Variants in BRINP3 observed in about 807,000 individuals in gnomAD.
BRINP3 encodes BMP/retinoic acid-inducible neural-specific protein 3.
A neutral mutation model predicts 71.0 loss-of-function variants in BRINP3; 19 were observed. That is an observed-to-expected ratio of 0.27 (90% CI 0.19 to 0.39). BRINP3 has a LOEUF of 0.39. Ranked by LOEUF, BRINP3 falls within the 10% of genes least tolerant of loss-of-function variation. BRINP3 has a pLI of 1.00. For missense variants in BRINP3, 959 were observed against 940.8 expected (o/e 1.02, Z -0.25); for synonymous variants, 380 against 337.7 (o/e 1.13, Z -1.37).
chr1:190,348,595 A>G (rs1459087190), intron 2 of BRINP3, among the ~76,000 whole-genome samples: 1 of 152,142 alleles, frequency 6.6e-6, no homozygotes, highest in African/African-American at 2.4e-5. Flanking sequence ...TCTGTTAACA[A>G]TGTCTCACTA....
At chr1:190,210,546 G>A (rs1655893642) in intron 6 of BRINP3, among the ~76,000 whole-genome samples, 1 of 152,046 alleles carries the variant, frequency 6.6e-6, no homozygotes, top group Non-Finnish European at 1.5e-5. Context: ...GCATTTGTGT[G>A]TTCCGGTATA....
In BRINP3 at chr1:190,271,249, G is replaced by GT. The variant is rs1365581951; in HGVS notation, c.428-6195dup. 7.9e-5 allele frequency among the ~76,000 whole-genome samples: 12 copies of GT among 151,722 alleles called. No homozygotes were observed. In the East Asian group the frequency reaches 2.1e-3, roughly 27 times the overall value. The stretch of plus-strand genomic sequence containing the variant: ...ATGTATAATCAGTTTTAGTTTAGAT[G>GT]TAAGTGTACCAAGTTTTACTGTCAA... On this transcript the variant is annotated intron_variant, in intron 3 of 7. Coordinates refer to ENST00000367462, the MANE Select transcript of BRINP3 (RefSeq NM_199051.3).
At chr1:190,315,357 T>C (rs1022562200) in intron 2 of BRINP3, among the ~76,000 whole-genome samples, 1 of 151,954 alleles carries the variant, frequency 6.6e-6, no homozygotes, top group Non-Finnish European at 1.5e-5. Context: ...AAATTCGACC[T>C]AGTGGAATGG....
intron 6 of BRINP3, among the ~76,000 whole-genome samples, chr1:190,170,112 C>T (rs1651885565): frequency 6.6e-6 from 1 of 152,034 alleles, no homozygotes; most frequent in African/African-American, 2.4e-5. Context: ...TTAAAGAGTG[C>T]TTTTGTTTGG....
chr1:190,266,318 A>C lies in BRINP3; in HGVS notation c.428-1263T>G, dbSNP rs139166670. On this transcript the variant is annotated intron_variant, in intron 3 of 7. Transcript: ENST00000367462. ...ATGACATAGCCCAGGTGACAATCCAATCTTAAGTAAGAGCTCTTACATGTC... is the reference window on the plus strand; with the variant it reads ...ATGACATAGCCCAGGTGACAATCCACTCTTAAGTAAGAGCTCTTACATGTC... Among the ~76,000 whole-genome samples the C allele has an allele frequency of 2.6e-3, 397 of 152,288 alleles. 3 individuals are homozygous for C. Among genetic ancestry groups the C allele is most frequent in the South Asian group, 5.0e-3 (24 of 4,826 alleles).
chr1:190,339,522 T>C (rs1667517196), intron 2 of BRINP3, among the ~76,000 whole-genome samples: 1 of 151,938 alleles, frequency 6.6e-6, no homozygotes, highest in South Asian at 2.1e-4. Context: ...ATAAATTACG[T>C]TAAACCAGTA....
At chr1:190,425,987 A>G (rs969513498) in intron 2 of BRINP3, among the ~76,000 whole-genome samples, 4 of 151,856 alleles carry the variant, frequency 2.6e-5, no homozygotes, top group African/African-American at 9.7e-5. Context: ...GCATTGGCAT[A>G]TACAATGTCA....
intron 2 of BRINP3, among the ~76,000 whole-genome samples, chr1:190,453,582 T>C (rs559031050): frequency 6.6e-6 from 1 of 152,266 alleles, no homozygotes; most frequent in East Asian, 1.9e-4. Context: ...GTGTTATGAC[T>C]GCATGGAATA....
intron 7 of BRINP3, among the ~76,000 whole-genome samples, chr1:190,140,094 A>T (rs1288137361): frequency 6.6e-6 from 1 of 152,252 alleles, no homozygotes; most frequent in Non-Finnish European, 1.5e-5. Context: ...AAACATCTAT[A>T]GCAAATAGTG....
intron 6 of BRINP3, among the ~76,000 whole-genome samples, chr1:190,218,686 G>A (rs1571394569): frequency 6.6e-6 from 1 of 151,772 alleles, no homozygotes; most frequent in Admixed American, 6.6e-5. Context: ...TATTTTTCCG[G>A]TCTAACTGAA....
intron 6 of BRINP3, among the ~76,000 whole-genome samples, chr1:190,162,195 ATT>A (rs200789147): frequency 2.8e-5 from 4 of 144,438 alleles, no homozygotes; most frequent in South Asian, 2.2e-4. Context: ...TAATAGATGC[ATT>A]TTTTTTTTTT....
Position 190,192,390 on chromosome 1 carries a change from C to T in BRINP3, c.962-31500G>A, listed in dbSNP as rs949392965. ...GAATCACTAAGGAACATTAAAAATG[C>T]TATTAGTAAAACAAGAAACATTAAA... On this transcript the variant is annotated intron_variant, in intron 6 of 7. Coordinates refer to ENST00000367462, the MANE Select transcript of BRINP3 (RefSeq NM_199051.3). 1.4e-4 allele frequency among the ~76,000 whole-genome samples: 22 copies of T among 152,084 alleles called. No individual in the cohort carries two copies. The South Asian group carries it at 4.4e-3, about 30-fold the overall frequency.
At chr1:190,210,234 T>C (rs747046426) in intron 6 of BRINP3, among the ~76,000 whole-genome samples, 30 of 152,222 alleles carry the variant, frequency 2.0e-4, no homozygotes, top group Non-Finnish European at 2.4e-4. Flanking sequence ...AGTGAAGTCA[T>C]CACATATATT....
At chr1:190,245,898 C>A (rs1419777899) in intron 4 of BRINP3, among the ~76,000 whole-genome samples, 2 of 151,816 alleles carry the variant, frequency 1.3e-5, no homozygotes, top group Non-Finnish European at 2.9e-5. Context: ...ATGATGGTTT[C>A]CAGCTTCATC....
chr1:190,098,105 C>T lies in BRINP3; in HGVS notation c.2214G>A (p.Glu738=). 6.2e-7 allele frequency: 1 copy of T among 1,614,164 alleles called. No individual in the cohort carries two copies. Among genetic ancestry groups the T allele is most frequent in the Non-Finnish European group, 8.5e-7 (1 of 1,180,030 alleles). The change falls in exon 8 of 8, where the codon GAG becomes GAA. Residue 738 remains glutamate, a synonymous_variant. Coordinates refer to ENST00000367462, the MANE Select transcript of BRINP3 (RefSeq NM_199051.3). ...GCAGAGCAGATTGGATCCTCACCAC[C>T]TCACTAGTAGACAGCTTGAGTCTAT... The part of the protein sequence containing the change: ...LRHRLKLSTS[E]VVRIQSALQA...
At chr1:190,457,068 A>T (rs1676041614) in intron 1 of BRINP3, among the ~76,000 whole-genome samples, 1 of 152,184 alleles carries the variant, frequency 6.6e-6, no homozygotes, top group Non-Finnish European at 1.5e-5. Flanking sequence ...CCAATATAGC[A>T]AATTAGGATA....
chr1:190,146,498 A>C (rs2102406405), intron 7 of BRINP3, among the ~76,000 whole-genome samples: 1 of 152,262 alleles, frequency 6.6e-6, no homozygotes, highest in Admixed American at 6.5e-5. Context: ...TAATTACTAT[A>C]TCATCATCAC....
In BRINP3 at chr1:190,303,817, C is replaced by G. The variant is rs535110861; in HGVS notation, c.237-22067G>C. 5.3e-5 allele frequency among the ~76,000 whole-genome samples: 8 copies of G among 151,846 alleles called. 1 individual carries two copies. The highest frequency in any genetic ancestry group is 1.7e-4 in the African/African-American group (7 of 41,508). On this transcript the variant is annotated intron_variant, in intron 2 of 7. Coordinates refer to ENST00000367462, the MANE Select transcript of BRINP3 (RefSeq NM_199051.3). The stretch of plus-strand genomic sequence containing the variant: ...GCAAATTGGAAAATGGAAGATGATT[C>G]AGTTCTTCTAATTACAGGGTTAGAT...
At chr1:190,205,999 G>C (rs1482035088) in intron 6 of BRINP3, among the ~76,000 whole-genome samples, 1 of 151,946 alleles carries the variant, frequency 6.6e-6, no homozygotes, top group Non-Finnish European at 1.5e-5. Flanking sequence ...ACAAGAGACT[G>C]GGGAATGTTA....
Sources: allele counts gnomAD v4.1 joint callset (sites outside exome capture counted in the v4.1 genomes callset), GRCh38; gene constraint gnomAD v4.1.1; transcripts MANE v1.5; gene names NCBI Gene and HGNC (gene_info 2026-07-23, HGNC 2026-07-21).